The following WWOX variants were observed in gnomAD, a reference collection of about 807,000 sequenced individuals.
WWOX encodes the protein WW domain containing oxidoreductase.
WWOX carries 69 observed loss-of-function variants against 46.2 expected under a neutral mutation model. The observed-to-expected ratio is 1.49, with a 90% CI of 1.23 to 1.82. The LOEUF is 1.82. WWOX is among the 40% of genes most tolerant of loss of function. WWOX has a pLI of 0.00. For synonymous variants in WWOX, 359 were observed against 202.6 expected (o/e 1.77, Z -6.56); for missense variants, 919 against 542.6 (o/e 1.69, Z -6.89).
At chr16:79,142,502 C>T (rs936170777) in intron 8 of WWOX, among the ~76,000 whole-genome samples, 8 of 152,180 alleles carry the variant, frequency 5.3e-5, no homozygotes, top group African/African-American at 1.7e-4. Flanking sequence ...GATCATTAAA[C>T]ATTTTCTAGA....
At chr16:78,318,828 T>A (rs749072548) in intron 5 of WWOX, among the ~76,000 whole-genome samples, 1 of 152,216 alleles carries the variant, frequency 6.6e-6, no homozygotes, top group Non-Finnish European at 1.5e-5. Flanking sequence ...TGACTCCTTA[T>A]ATAACTACAG....
Position 78,618,618 on chromosome 16 carries a change from A to G in WWOX, c.1056+185866A>G, listed in dbSNP as rs572265494. On this transcript the variant is annotated intron_variant, in intron 8 of 8. Transcript: ENST00000566780. ...GTACTGGGGGTTTGGGCTTCCACAT[A>G]CAAAGTCTGGGACACAGTACGCTCT... Among the ~76,000 whole-genome samples, 106 of 152,236 alleles carry G rather than the reference A, an allele frequency of 7.0e-4. 1 individual carries two copies. The highest frequency in any genetic ancestry group is 2.4e-3 in the African/African-American group (98 of 41,552).
intron 6 of WWOX, among the ~76,000 whole-genome samples, chr16:78,422,802 TACACACACATATATATACACACAC>T (rs1393305584): frequency 0.013 from 1,409 of 106,222 alleles, 136 homozygotes; most frequent in African/African-American, 0.082. Context: ...CACATATATA[TACACACACATATATATACACACAC>T]ATATATATAT....
intron 8 of WWOX, among the ~76,000 whole-genome samples, chr16:78,912,539 G>T (rs1356041443): frequency 6.6e-6 from 1 of 152,034 alleles, no homozygotes; most frequent in South Asian, 2.1e-4. Context: ...TCTTCCCTGA[G>T]TGCCTTGTTG....
chr16:78,582,472 G>A (rs1038373230), intron 8 of WWOX, among the ~76,000 whole-genome samples: 8 of 152,224 alleles, frequency 5.3e-5, no homozygotes, highest in African/African-American at 1.9e-4. Flanking sequence ...ACGTTGATTG[G>A]CTTGCCTACA....
intron 8 of WWOX, among the ~76,000 whole-genome samples, chr16:78,694,260 G>A (rs1042305650): frequency 6.6e-6 from 1 of 152,110 alleles, no homozygotes; most frequent in Non-Finnish European, 1.5e-5. Context: ...ACAGTCAGAG[G>A]TTAGGGGTCG....
intron 8 of WWOX, among the ~76,000 whole-genome samples, chr16:79,024,897 G>A (rs1444965127): frequency 6.6e-6 from 1 of 152,226 alleles, no homozygotes; most frequent in African/African-American, 2.4e-5. Flanking sequence ...AAAGAGGAAT[G>A]GGAGTCAGGC....
chr16:78,253,905 C>T lies in WWOX; in HGVS notation c.516+89616C>T, dbSNP rs2038051034. Among the ~76,000 whole-genome samples, 8 of 152,230 alleles carry T rather than the reference C, an allele frequency of 5.3e-5. No homozygotes were observed. The South Asian group carries it at 1.7e-3, about 32-fold the overall frequency. On this transcript the variant is annotated intron_variant, in intron 5 of 8. Coordinates refer to ENST00000566780, the MANE Select transcript of WWOX (RefSeq NM_016373.4). ...CACTTCCCACCTCCAGCCTCGCATT[C>T]CCCTGGTACAACTCAACAGGCATTT...
chr16:78,977,529 A>G (rs532623237), intron 8 of WWOX, among the ~76,000 whole-genome samples: 3 of 152,212 alleles, frequency 2.0e-5, no homozygotes, highest in South Asian at 4.2e-4. Context: ...CCCTCTCTGC[A>G]TGTGTCCTTG....
chr16:78,947,772 C>G (rs2045978162), intron 8 of WWOX, among the ~76,000 whole-genome samples: 1 of 152,126 alleles, frequency 6.6e-6, no homozygotes, highest in Admixed American at 6.5e-5. Flanking sequence ...CCTCTTGCCT[C>G]CAGGGGCTAA....
intron 8 of WWOX, among the ~76,000 whole-genome samples, chr16:79,123,891 A>C (rs893174307): frequency 2.2e-4 from 34 of 152,208 alleles, no homozygotes; most frequent in African/African-American, 8.2e-4. Flanking sequence ...GGCAGCATCG[A>C]TGGAGGTTTG....
intron 5 of WWOX, among the ~76,000 whole-genome samples, chr16:78,185,026 G>A (rs1038181285): frequency 6.6e-6 from 1 of 152,190 alleles, no homozygotes; most frequent in Non-Finnish European, 1.5e-5. Context: ...GCTGGATGTT[G>A]TGACAGAGGA....
chr16:78,165,743 A>T (rs1399777394), intron 5 of WWOX, among the ~76,000 whole-genome samples: 3 of 152,212 alleles, frequency 2.0e-5, no homozygotes, highest in Non-Finnish European at 4.4e-5. Flanking sequence ...TCTGGACTGA[A>T]AAGTAGTGAA....
chr16:79,021,124 G>C (rs1487543122), intron 8 of WWOX, among the ~76,000 whole-genome samples: 1 of 152,096 alleles, frequency 6.6e-6, no homozygotes, highest in African/African-American at 2.4e-5. Flanking sequence ...CCAGTACAAG[G>C]CCATTATATA....
intron 5 of WWOX, among the ~76,000 whole-genome samples, chr16:78,245,324 G>A (rs1015856971): frequency 6.6e-5 from 10 of 152,124 alleles, no homozygotes; most frequent in African/African-American, 1.7e-4. Flanking sequence ...CTTTTCAGTC[G>A]TCATTTCCAT....
At chr16:78,542,117 G>C (rs1033407826) in intron 8 of WWOX, among the ~76,000 whole-genome samples, 1 of 150,252 alleles carries the variant, frequency 6.7e-6, no homozygotes, top group African/African-American at 2.4e-5. Flanking sequence ...ATACTTCTTG[G>C]AGAAACCTCC....
At chr16:78,848,113 C>T (rs1484538465) in intron 8 of WWOX, among the ~76,000 whole-genome samples, 2 of 152,116 alleles carry the variant, frequency 1.3e-5, no homozygotes, top group South Asian at 2.1e-4. Flanking sequence ...ACAGCCCATT[C>T]GCGGACTCAG....
intron 5 of WWOX, among the ~76,000 whole-genome samples, chr16:78,385,080 G>A (rs1227937299): frequency 6.6e-6 from 1 of 151,150 alleles, no homozygotes; most frequent in Non-Finnish European, 1.5e-5. Flanking sequence ...GTTGCAGTGA[G>A]CCAAGATGGT....
intron 8 of WWOX, among the ~76,000 whole-genome samples, chr16:78,916,799 G>C (rs538516265): frequency 6.6e-6 from 1 of 152,296 alleles, no homozygotes; most frequent in Admixed American, 6.5e-5. Flanking sequence ...CAGGAAAACT[G>C]TTTTCAATTT....
Sources: gnomAD v4.1 joint callset for allele counts (sites outside exome capture counted in the v4.1 genomes callset) on GRCh38, gnomAD v4.1.1 for gene constraint, MANE v1.5 for transcripts, NCBI Gene and HGNC (gene_info 2026-07-23, HGNC 2026-07-21) for gene names.